Variants in SMOC2 observed in about 807,000 individuals in gnomAD.
SMOC2 encodes the protein SPARC related modular calcium binding 2, also known as SPARC-related modular calcium-binding protein 2.
SMOC2 carries 39 observed loss-of-function variants against 61.4 expected under a neutral mutation model. The observed-to-expected ratio is 0.64, with a 90% CI of 0.49 to 0.83. The LOEUF (loss-of-function observed/expected upper bound fraction) is 0.83, where lower values mean the gene tolerates loss of function less well. Ranked by LOEUF, SMOC2 falls within the 40% of genes least tolerant of loss-of-function variation. The pLI, the probability that SMOC2 is intolerant of heterozygous loss-of-function variation, is 0.00. For missense variants in SMOC2, 556 were observed against 592.9 expected (o/e 0.94, Z 0.65); for synonymous variants, 247 against 239.9 (o/e 1.03, Z -0.27).
chr6:168,589,276 A>G (rs1785118282), intron 7 of SMOC2, among the ~76,000 whole-genome samples: 1 of 152,234 alleles, frequency 6.6e-6, no homozygotes, highest in Admixed American at 6.5e-5. Context: ...GGCTGACACT[A>G]AATAACAATG....
chr6:168,605,330 A>G (rs1004857877), intron 8 of SMOC2, among the ~76,000 whole-genome samples: 1 of 152,180 alleles, frequency 6.6e-6, no homozygotes, highest in African/African-American at 2.4e-5. Flanking sequence ...ATGTGGGCAT[A>G]GGACTGCATT....
intron 1 of SMOC2, among the ~76,000 whole-genome samples, chr6:168,495,156 C>T (rs376895189): frequency 3.9e-5 from 6 of 152,344 alleles, no homozygotes; most frequent in East Asian, 1.9e-4. Context: ...CATGCTCCTG[C>T]GCCCTATGTG....
At chr6:168,650,441 G>C (rs1787163522) in intron 9 of SMOC2, among the ~76,000 whole-genome samples, 1 of 152,206 alleles carries the variant, frequency 6.6e-6, no homozygotes, top group Non-Finnish European at 1.5e-5. Flanking sequence ...AGATCAGTGA[G>C]ATACTAATGC....
chr6:168,604,683 A>T (rs1785641640), intron 8 of SMOC2, among the ~76,000 whole-genome samples: 3 of 152,230 alleles, frequency 2.0e-5, no homozygotes, highest in African/African-American at 7.2e-5. Context: ...ATCCAGTAAC[A>T]GTAAGAAGCT....
intron 1 of SMOC2, among the ~76,000 whole-genome samples, chr6:168,504,711 C>T (rs1222762316): frequency 1.3e-5 from 2 of 152,148 alleles, no homozygotes; most frequent in African/African-American, 2.4e-5. Context: ...CCTTATACAG[C>T]GTGGTCATTT....
At chr6:168,482,031 A>G (rs1782218105) in intron 1 of SMOC2, among the ~76,000 whole-genome samples, 1 of 151,912 alleles carries the variant, frequency 6.6e-6, no homozygotes, top group Non-Finnish European at 1.5e-5. Context: ...GAACTACATA[A>G]TAAAGATGAA....
At chr6:168,665,011 A>G (rs778925259) in intron 12 of SMOC2, 7 of 313,048 alleles carry the variant, frequency 2.2e-5, no homozygotes, top group Non-Finnish European at 4.4e-5. Flanking sequence ...CCATTTCCTG[A>G]GGAAAGATGT....
At chr6:168,463,133 T>G (rs923912712) in intron 1 of SMOC2, among the ~76,000 whole-genome samples, 3 of 152,184 alleles carry the variant, frequency 2.0e-5, no homozygotes, top group Admixed American at 6.5e-5. Context: ...CTGCTCCCAC[T>G]GGGGGCTCAG....
chr6:168,646,208 C>T (rs974575199), intron 9 of SMOC2, among the ~76,000 whole-genome samples: 1 of 152,188 alleles, frequency 6.6e-6, no homozygotes, highest in Non-Finnish European at 1.5e-5. Flanking sequence ...CTCTGGCCCC[C>T]GTCCGTACAC....
intron 9 of SMOC2, among the ~76,000 whole-genome samples, chr6:168,619,773 T>C (rs1329272922): frequency 6.6e-6 from 1 of 152,224 alleles, no homozygotes; most frequent in Non-Finnish European, 1.5e-5. Flanking sequence ...GAGACCACAG[T>C]GAGGCCAGTC....
chr6:168,599,359 G>A (rs571933112), intron 8 of SMOC2, among the ~76,000 whole-genome samples: 2 of 91,158 alleles, frequency 2.2e-5, no homozygotes, highest in African/African-American at 4.4e-5. Context: ...CCACTCACAC[G>A]CACACAATCA....
At chr6:168,586,262 T>TGCCTCATCTTATTGAA (rs1785045233) in intron 7 of SMOC2, among the ~76,000 whole-genome samples, 1 of 152,218 alleles carries the variant, frequency 6.6e-6, no homozygotes. Context: ...TATTGAATTG[T>TGCCTCATCTTATTGAA]TTTGGTGCCT....
At chr6:168,659,708 T>G (rs1388608713) in intron 11 of SMOC2, among the ~76,000 whole-genome samples, 8 of 149,558 alleles carry the variant, frequency 5.3e-5, no homozygotes, top group South Asian at 2.1e-4. Context: ...GGGTGGAGGT[T>G]GTAGGCTGAG....
intron 8 of SMOC2, 102 bp downstream of exon 8, chr6:168,599,106 AGT>A (rs1785413446): frequency 2.9e-6 from 3 of 1,045,910 alleles, no homozygotes; most frequent in African/African-American, 1.7e-5. Flanking sequence ...ACCGACACAC[AGT>A]CACACACACA....
At chr6:168,546,338 C>T (rs1188972694) in intron 5 of SMOC2, among the ~76,000 whole-genome samples, 1 of 150,100 alleles carries the variant, frequency 6.7e-6, no homozygotes, top group Non-Finnish European at 1.5e-5. Context: ...CCCTGAGTGT[C>T]TGGAGAAGGA....
intron 9 of SMOC2, among the ~76,000 whole-genome samples, chr6:168,613,810 C>T (rs1785962807): frequency 7.7e-6 from 1 of 130,496 alleles, no homozygotes; most frequent in South Asian, 2.8e-4. Flanking sequence ...GGCCTCTTCT[C>T]CTAGAGCCAG....
chr6:168,666,630 A>T lies in SMOC2; in HGVS notation c.*192A>T. ...AATGGAGAGCTGGCTTCAGAAAATT[A>T]ATCACATACAATGTATGTGTCCTCT... On this transcript the variant is annotated 3_prime_UTR_variant, in exon 13 of 13. Transcript: ENST00000356284. 3 of 638,738 alleles carry T rather than the reference A, an allele frequency of 4.7e-6. No homozygotes were observed. The highest frequency in any genetic ancestry group is 8.3e-6 in the Non-Finnish European group (3 of 360,136). 39.6% of individuals were successfully genotyped at this position (638,738 alleles called of 1,614,324 possible). A position where few individuals can be genotyped will look rare whatever the true frequency, so the allele number is the denominator to read the frequency against.
chr6:168,515,602 T>TCCTTCCAAGGCCTC (rs533514691), intron 2 of SMOC2, among the ~76,000 whole-genome samples: 3 of 151,680 alleles, frequency 2.0e-5, no homozygotes, highest in Admixed American at 6.6e-5. Flanking sequence ...AGACGGGCCT[T>TCCTTCCAAGGCCTC]GCCCTGAGCG....
intron 1 of SMOC2, among the ~76,000 whole-genome samples, chr6:168,460,908 G>A (rs71554949): frequency 0.038 from 5,812 of 152,262 alleles, 153 homozygotes; most frequent in Non-Finnish European, 0.055. Flanking sequence ...ATCAAACTGG[G>A]TCAGTGTGAG....
Sources: gnomAD v4.1 joint callset for allele counts (sites outside exome capture counted in the v4.1 genomes callset) on GRCh38, gnomAD v4.1.1 for gene constraint, MANE v1.5 for transcripts, NCBI Gene and HGNC (gene_info 2026-07-23, HGNC 2026-07-21) for gene names.